NFU1: variants seen among roughly 807,000 people sequenced by gnomAD.
NFU1 encodes NFU1 iron-sulfur cluster scaffold homolog, mitochondrial.
A neutral mutation model predicts 32.2 loss-of-function variants in NFU1; 30 were observed. The observed-to-expected ratio is 0.93, with a 90% CI of 0.70 to 1.26. The LOEUF is 1.26. NFU1 is among the 50% of genes most tolerant of loss of function. The pLI is 0.00. For missense variants in NFU1, 306 were observed against 306.6 expected (o/e 1.00, Z 0.02); for synonymous variants, 112 against 104.6 (o/e 1.07, Z -0.43).
rs556115626 is a variant in NFU1, at chr2:69,423,080, G to A, written c.302+502C>T. ...CAGCCTCAACCTCCCAGGCTCAAGCGATCTTCCCATCTCAGCCTTCTGAGT... is the reference window on the plus strand; with the variant it reads ...CAGCCTCAACCTCCCAGGCTCAAGCAATCTTCCCATCTCAGCCTTCTGAGT... On this transcript the variant is annotated intron_variant, in intron 3 of 7. Coordinates refer to ENST00000410022, the MANE Select transcript of NFU1 (RefSeq NM_001002755.4). Among the ~76,000 whole-genome samples the A allele has an allele frequency of 4.6e-5, 7 of 151,746 alleles. No individual in the cohort carries two copies. The East Asian group carries it at 1.2e-3, about 25-fold the overall frequency.
intron 1 of NFU1, among the ~76,000 whole-genome samples, chr2:69,433,078 AG>A (rs1673699562): frequency 1.3e-5 from 1 of 77,066 alleles, no homozygotes; most frequent in Non-Finnish European, 2.3e-5. Flanking sequence ...TGAACCCAGG[AG>A]GCGTAGGTTG....
At chr2:69,423,208 T>G (rs868045979) in intron 3 of NFU1, among the ~76,000 whole-genome samples, 1,389 of 65,948 alleles carry the variant, frequency 0.021, 44 homozygotes, top group Admixed American at 0.072. Context: ...TGTGTGTGTG[T>G]GGGGGGGGGC....
chr2:69,437,186 G>A, intron 1 of NFU1, 175 bp downstream of exon 1: 5 of 1,387,936 alleles, frequency 3.6e-6, no homozygotes, highest in Non-Finnish European at 3.8e-6. Flanking sequence ...CAGAAGCGCC[G>A]AGCTCCCGCA....
In NFU1 at chr2:69,415,313, A is replaced by T; in HGVS notation, c.370-14T>A. The T allele has an allele frequency of 2.1e-6, 3 of 1,463,126 alleles. No homozygotes were observed. Among genetic ancestry groups the T allele is most frequent in the Non-Finnish European group, 2.9e-6 (3 of 1,044,160 alleles). 90.6% of individuals were successfully genotyped at this position (1,463,126 alleles called of 1,614,324 possible). On this transcript the variant is annotated splice_polypyrimidine_tract_variant and intron_variant, in intron 4 of 7. Transcript: ENST00000410022. ...TTCTTCATTTTCCTATAAACATTTAAAGGAAAATGCTGTATTTCCAGGCAA... is the reference window on the plus strand; with the variant it reads ...TTCTTCATTTTCCTATAAACATTTATAGGAAAATGCTGTATTTCCAGGCAA...
chr2:69,415,171 A>G lies in NFU1; in HGVS notation c.484+14T>C, dbSNP rs1673008829. The G allele has an allele frequency of 1.4e-6, 2 of 1,434,246 alleles. No individual in the cohort carries two copies. Among genetic ancestry groups the G allele is most frequent in the Non-Finnish European group, 2.0e-6 (2 of 1,016,040 alleles). 88.8% of individuals were successfully genotyped at this position (1,434,246 alleles called of 1,614,324 possible). ...AAAAAGGACAAATTTTAATTACTCA[A>G]TACAACATGTTACCTGCTTCTCCTG... is the stretch of plus-strand genomic sequence containing the variant. On this transcript the variant is annotated intron_variant, in intron 5 of 7. Transcript: ENST00000410022.
chr2:69,427,529 C>T (rs1439781697), intron 2 of NFU1, among the ~76,000 whole-genome samples: 2 of 150,120 alleles, frequency 1.3e-5, no homozygotes, highest in African/African-American at 2.5e-5. Flanking sequence ...TAAACACAAA[C>T]GTCAGCCAGG....
intron 4 of NFU1, 129 bp from the exon 5 acceptor site, chr2:69,415,428 G>A: frequency 1.6e-6 from 1 of 635,034 alleles, no homozygotes; most frequent in Non-Finnish European, 2.8e-6. Flanking sequence ...CAGGCTGGAT[G>A]GAGTACAGTG....
intron 4 of NFU1, 40 bp from the exon 5 acceptor site, chr2:69,415,339 C>T (rs1467771484): frequency 2.0e-5 from 23 of 1,172,356 alleles, no homozygotes; most frequent in South Asian, 3.7e-5. Flanking sequence ...TTCCAGGCAA[C>T]GGCAAAGACC....
rs546975781 is a variant in NFU1, at chr2:69,437,205, C to G, written c.62+156G>C. On this transcript the variant is annotated intron_variant, in intron 1 of 7. Transcript: ENST00000410022. ...AGCGCCGAGCTCCCGCACAGACAGCCTCAGGGCTCACCCCCAACTACGGCG... is the reference window on the plus strand; with the variant it reads ...AGCGCCGAGCTCCCGCACAGACAGCGTCAGGGCTCACCCCCAACTACGGCG... 3.7e-4 allele frequency: 539 copies of G among 1,448,810 alleles called. 3 individuals carry two copies. The South Asian group carries it at 7.3e-3, about 20-fold the overall frequency. The allele number at this position is 1,448,810 out of a possible 1,614,324, so 89.7% of individuals were successfully genotyped here. A position where few individuals can be genotyped will look rare whatever the true frequency, so the allele number is the denominator to read the frequency against.
upstream of NFU1, among the ~76,000 whole-genome samples, chr2:69,438,026 C>T (rs556706355): frequency 6.6e-6 from 1 of 152,316 alleles, no homozygotes; most frequent in South Asian, 2.1e-4. Context: ...TGACTAGTTT[C>T]CAGGGCAGAG....
intron 5 of NFU1, among the ~76,000 whole-genome samples, chr2:69,410,600 G>T (rs1340119610): frequency 6.6e-6 from 1 of 152,146 alleles, no homozygotes; most frequent in Non-Finnish European, 1.5e-5. Flanking sequence ...AGAATTAAGT[G>T]AGTTTATACT....
At chr2:69,399,294 T>C in intron 7 of NFU1, 1 of 421,340 alleles carries the variant, frequency 2.4e-6, no homozygotes, top group Non-Finnish European at 4.7e-6. Flanking sequence ...CACTCCTTGA[T>C]AATCTCTCTC....
chr2:69,401,516 T>TA (rs1672522056), intron 6 of NFU1, among the ~76,000 whole-genome samples: 1 of 152,250 alleles, frequency 6.6e-6, no homozygotes, highest in Non-Finnish European at 1.5e-5. Context: ...CTACTGTTGA[T>TA]AGACATTTAG....
chr2:69,437,733 C>T, upstream of NFU1: 1 of 501,912 alleles, frequency 2.0e-6, no homozygotes, highest in South Asian at 2.0e-5. Flanking sequence ...CTGGTGCTGC[C>T]TTGCGAATGC....
At chr2:69,415,164 T>C in intron 5 of NFU1, 21 bp downstream of exon 5, 1 of 1,319,044 alleles carries the variant, frequency 7.6e-7, no homozygotes, top group Non-Finnish European at 1.1e-6. Context: ...CAAATTTTAA[T>C]TACTCAATAC....
At chr2:69,433,587 T>G (rs1190882436) in intron 1 of NFU1, among the ~76,000 whole-genome samples, 1 of 151,936 alleles carries the variant, frequency 6.6e-6, no homozygotes, top group Non-Finnish European at 1.5e-5. Flanking sequence ...GTGATTCTCT[T>G]GCCTCAGCCT....
chr2:69,420,659 T>A (rs927403634), intron 3 of NFU1, among the ~76,000 whole-genome samples: 2 of 152,188 alleles, frequency 1.3e-5, no homozygotes, highest in African/African-American at 2.4e-5. Context: ...AGTAAATACA[T>A]CCCTGCACGT....
chr2:69,402,611 C>CA, intron 6 of NFU1, among the ~76,000 whole-genome samples: 2 of 151,990 alleles, frequency 1.3e-5, no homozygotes, highest in Non-Finnish European at 2.9e-5. Flanking sequence ...GACGGAGTTT[C>CA]GCTCTTGTTG....
chr2:69,419,538 C>G lies in NFU1; in HGVS notation c.369G>C (p.Lys123Asn). Reference protein sequence around the residue: ...FFGPDFITVTKENEELDWNLL... With the variant: ...FFGPDFITVTNENEELDWNLL... ...TTATTTTATATAATCCTATGTTTACCTTTGTGACAGTGATGAAATCTGGTC... is the reference window on the plus strand; with the variant it reads ...TTATTTTATATAATCCTATGTTTACGTTTGTGACAGTGATGAAATCTGGTC... Residue 123 changes from lysine (K) to asparagine (N), a missense_variant and splice_region_variant, in exon 4 of 8, where the codon AAG (lysine) becomes AAC (asparagine). By Grantham distance (94) the Lys-to-Asn change is moderately conservative. Coordinates refer to ENST00000410022, the MANE Select transcript of NFU1 (RefSeq NM_001002755.4). 6.5e-7 allele frequency: 1 copy of G among 1,544,164 alleles called. No individual in the cohort carries two copies. The highest frequency in any genetic ancestry group is 2.2e-5 in the East Asian group (1 of 44,456).
Sources: gnomAD v4.1 joint callset for allele counts (sites outside exome capture counted in the v4.1 genomes callset) on GRCh38, gnomAD v4.1.1 for gene constraint, MANE v1.5 for transcripts, NCBI Gene and HGNC (gene_info 2026-07-23, HGNC 2026-07-21) for gene names.